The following PARD3B variants were observed in gnomAD, a reference collection of about 807,000 sequenced individuals.
The protein encoded by PARD3B is par-3 family cell polarity regulator beta.
In PARD3B, 103 loss-of-function variants were observed where a neutral mutation model predicts 130.2. The ratio of observed to expected loss-of-function variants is 0.79; its 90% CI spans 0.67 to 0.93. The LOEUF (loss-of-function observed/expected upper bound fraction) is 0.93. Among genes scored for constraint, PARD3B ranks in the 40% least tolerant of loss-of-function variants. The probability of loss-of-function intolerance (pLI) is 0.00; values close to 1 mark genes in which losing one functional copy is unlikely to be tolerated. For missense variants in PARD3B, 1,609 were observed against 1,499.2 expected (o/e 1.07, Z -1.21); for synonymous variants, 583 against 553.2 (o/e 1.05, Z -0.76).
chr2:205,448,862 A>T (rs1008353355), intron 20 of PARD3B, among the ~76,000 whole-genome samples: 2 of 152,068 alleles, frequency 1.3e-5, no homozygotes, highest in Admixed American at 6.6e-5. Flanking sequence ...CACTCTGGTA[A>T]CCCTAACAAG....
chr2:205,143,853 T>C (rs1345933849), intron 10 of PARD3B, among the ~76,000 whole-genome samples: 1 of 152,142 alleles, frequency 6.6e-6, no homozygotes, highest in East Asian at 1.9e-4. Context: ...AAGCAATATA[T>C]GTGTCAAATA....
At chr2:205,527,790 C>G (rs1160098819) in intron 21 of PARD3B, among the ~76,000 whole-genome samples, 1 of 152,132 alleles carries the variant, frequency 6.6e-6, no homozygotes, top group Admixed American at 6.5e-5. Flanking sequence ...CTAGGTCTCT[C>G]TCAGGAAAAG....
intron 18 of PARD3B, among the ~76,000 whole-genome samples, chr2:205,308,621 C>CAAAAAAAAAAAAA (rs1252730210): frequency 1.1e-5 from 1 of 93,072 alleles, no homozygotes. Flanking sequence ...AAAAAAAAAC[C>CAAAAAAAAAAAAA]AAACAACAAA....
chr2:204,786,464 G>C (rs544740437), intron 2 of PARD3B, among the ~76,000 whole-genome samples: 1 of 152,040 alleles, frequency 6.6e-6, no homozygotes, highest in South Asian at 2.1e-4. Flanking sequence ...GCAGCCCGGA[G>C]CTCCAGTGAC....
At chr2:205,518,996 T>C (rs1057156607) in intron 21 of PARD3B, among the ~76,000 whole-genome samples, 1 of 152,144 alleles carries the variant, frequency 6.6e-6, no homozygotes, top group Non-Finnish European at 1.5e-5. Flanking sequence ...GACCTGTCCT[T>C]TCTCTCTAGC....
chr2:204,730,096 CAG>C (rs1370811645), intron 2 of PARD3B, among the ~76,000 whole-genome samples: 4 of 151,330 alleles, frequency 2.6e-5, no homozygotes, highest in African/African-American at 9.7e-5. Context: ...TTGAGACGGA[CAG>C]AGTTTTGCTC....
chr2:205,449,544 CTCTT>C (rs1454185421), intron 20 of PARD3B, among the ~76,000 whole-genome samples: 1 of 152,020 alleles, frequency 6.6e-6, no homozygotes, highest in Non-Finnish European at 1.5e-5. Flanking sequence ...TTTATTTTTC[CTCTT>C]TCTAATTTTC....
chr2:205,175,270 C>G (rs1325333781), intron 12 of PARD3B, among the ~76,000 whole-genome samples: 1 of 152,172 alleles, frequency 6.6e-6, no homozygotes, highest in Non-Finnish European at 1.5e-5. Flanking sequence ...AGCCCTAGCT[C>G]TCTTTCCTGC....
intron 4 of PARD3B, among the ~76,000 whole-genome samples, chr2:205,060,680 TAATG>T (rs905848297): frequency 1.9e-4 from 29 of 152,090 alleles, no homozygotes; most frequent in African/African-American, 7.0e-4. Context: ...ATAGTGATAA[TAATG>T]AATGTTGATA....
At chr2:204,823,191 A>G (rs2043432861) in intron 2 of PARD3B, among the ~76,000 whole-genome samples, 1 of 152,168 alleles carries the variant, frequency 6.6e-6, no homozygotes, top group African/African-American at 2.4e-5. Flanking sequence ...GGGGTTAGTG[A>G]AAGAACAAAG....
chr2:205,239,958 G>A (rs950256245), intron 15 of PARD3B, among the ~76,000 whole-genome samples: 3 of 152,090 alleles, frequency 2.0e-5, no homozygotes, highest in African/African-American at 7.2e-5. Context: ...GTGGGTGTGT[G>A]TTTGTGTGTG....
At chr2:205,347,442 C>A (rs1235325130) in intron 18 of PARD3B, among the ~76,000 whole-genome samples, 1 of 152,118 alleles carries the variant, frequency 6.6e-6, no homozygotes, top group East Asian at 1.9e-4. Context: ...TATATGAATA[C>A]CCAGGCTGTA....
intron 18 of PARD3B, among the ~76,000 whole-genome samples, chr2:205,305,155 A>C (rs1540366): frequency 0.56 from 84,499 of 152,076 alleles, 27,275 homozygotes; most frequent in South Asian, 0.75. Flanking sequence ...TCATTTCCAA[A>C]TTGCATTCCT....
intron 21 of PARD3B, among the ~76,000 whole-genome samples, chr2:205,505,389 A>AT: frequency 2.3e-5 from 3 of 128,766 alleles, no homozygotes; most frequent in African/African-American, 9.0e-5. Flanking sequence ...TTAAATAATA[A>AT]AAAAATAAAA....
At chr2:204,690,071 C>T (rs1369873059) in intron 2 of PARD3B, among the ~76,000 whole-genome samples, 1 of 152,118 alleles carries the variant, frequency 6.6e-6, no homozygotes, top group Admixed American at 6.5e-5. Flanking sequence ...TGCCTATAGC[C>T]TGCATCTAGT....
intron 4 of PARD3B, among the ~76,000 whole-genome samples, chr2:205,058,309 A>G (rs1487580703): frequency 1.3e-5 from 2 of 151,914 alleles, no homozygotes; most frequent in Non-Finnish European, 2.9e-5. Context: ...TTTGTATACA[A>G]ATATACCACA....
At chr2:205,379,425 T>A (rs912144624) in intron 18 of PARD3B, among the ~76,000 whole-genome samples, 2 of 152,204 alleles carry the variant, frequency 1.3e-5, no homozygotes, top group South Asian at 2.1e-4. Flanking sequence ...GAATCCAGAA[T>A]GTACCCATGT....
At chr2:204,550,412 CTGTGTGTGTGTGTGTGTG>C (rs3051346) in intron 1 of PARD3B, among the ~76,000 whole-genome samples, 8 of 144,300 alleles carry the variant, frequency 5.5e-5, no homozygotes, top group South Asian at 2.3e-4. Flanking sequence ...GGAGGGCTGA[CTGTGTGTGTGTGTGTGTG>C]TGTGTGTGTG....
rs139080459 is a variant in PARD3B, at chr2:204,630,664, G to A, written c.121-55517G>A. ...TTGGAGCACGATAAAGAGTTGTGATGGGAAGTGTCCTATTAATGCTCACAT... is the reference window on the plus strand; with the variant it reads ...TTGGAGCACGATAAAGAGTTGTGATAGGAAGTGTCCTATTAATGCTCACAT... On this transcript the variant is annotated intron_variant, in intron 1 of 22. Transcript: ENST00000406610. 9.1e-4 allele frequency among the ~76,000 whole-genome samples: 139 copies of A among 152,198 alleles called. 2 individuals are homozygous for A. In the East Asian group the frequency reaches 0.024, roughly 27 times the overall value.
Sources: allele counts gnomAD v4.1 joint callset (sites outside exome capture counted in the v4.1 genomes callset), GRCh38; gene constraint gnomAD v4.1.1; transcripts MANE v1.5; gene names NCBI Gene and HGNC (gene_info 2026-07-23, HGNC 2026-07-21).